Variants in N4BP2 observed in about 807,000 individuals in gnomAD.
N4BP2 encodes NEDD4-binding protein 2.
Under a neutral mutation model 152.8 loss-of-function variants are expected in N4BP2, and 91 were observed. The ratio of observed to expected loss-of-function variants is 0.60; its 90% CI spans 0.50 to 0.71. The LOEUF is 0.71. Ranked by LOEUF, N4BP2 falls within the 30% of genes least tolerant of loss-of-function variation. The pLI is 0.00. For synonymous variants in N4BP2, 646 were observed against 705.3 expected, an observed-to-expected ratio of 0.92 and a Z score of 1.33; for missense variants, 1,923 against 2,059.1, an observed-to-expected ratio of 0.93 and a Z score of 1.28.
chr4:40,085,712 G>A (rs1048069248), intron 2 of N4BP2, among the ~76,000 whole-genome samples: 10 of 152,150 alleles, frequency 6.6e-5, no homozygotes, highest in Non-Finnish European at 1.5e-4. Flanking sequence ...GTTGAGAGAT[G>A]TGAAAATCTC....
intron 4 of N4BP2, among the ~76,000 whole-genome samples, chr4:40,105,038 G>A (rs1196954184): frequency 6.6e-6 from 1 of 152,098 alleles, no homozygotes; most frequent in Non-Finnish European, 1.5e-5. Context: ...TCCTGACCTT[G>A]TGATCCGCCC....
chr4:40,154,747 T>C lies in N4BP2; in HGVS notation c.*510T>C, dbSNP rs1721457398. 6.5e-6 allele frequency: 1 copy of C among 153,394 alleles called. No homozygotes were observed. Among genetic ancestry groups the C allele is most frequent in the Non-Finnish European group, 1.4e-5 (1 of 69,026 alleles). 9.5% of individuals were successfully genotyped at this position (153,394 alleles called of 1,614,324 possible). On this transcript the variant is annotated 3_prime_UTR_variant, in exon 18 of 18. Transcript: ENST00000261435. ...TTCAAAACTAAACACATAAAATGCT[T>C]TTATTTTGCCATATCCTACAGGAAG...
chr4:40,099,456 G>T (rs1286899934), intron 3 of N4BP2, among the ~76,000 whole-genome samples: 2 of 151,754 alleles, frequency 1.3e-5, no homozygotes, highest in African/African-American at 4.8e-5. Context: ...CATCATGTTG[G>T]CCAGGCTGGT....
rs191288937 is a variant in N4BP2 at position 40,112,182 on chromosome 4, A to G, written c.1587+10A>G. The G allele has an allele frequency of 2.2e-4, 307 of 1,386,842 alleles. No homozygotes were observed. The African/African-American group carries it at 4.1e-3, about 18-fold the overall frequency. 85.9% of individuals were successfully genotyped at this position (1,386,842 alleles called of 1,614,324 possible). On this transcript the variant is annotated intron_variant, in intron 6 of 17. Coordinates refer to ENST00000261435, the MANE Select transcript of N4BP2 (RefSeq NM_018177.6). ...ACCATATGTTGCTTTGGTTAGTACCATAAGTTGTCATAAGTTTATAACAGT... is the reference window on the plus strand; with the variant it reads ...ACCATATGTTGCTTTGGTTAGTACCGTAAGTTGTCATAAGTTTATAACAGT...
At chr4:40,104,881 T>C (rs181191956) in intron 4 of N4BP2, among the ~76,000 whole-genome samples, 2 of 151,332 alleles carry the variant, frequency 1.3e-5, no homozygotes, top group Non-Finnish European at 2.9e-5. Flanking sequence ...CTCGGCTCAC[T>C]GCAAGCTCCG....
the N4BP2 span, among the ~76,000 whole-genome samples, chr4:40,178,079 G>A: frequency 6.6e-6 from 1 of 151,738 alleles, no homozygotes. Flanking sequence ...AGAATCGCTT[G>A]AACCCAGGAG....
intron 2 of N4BP2, among the ~76,000 whole-genome samples, chr4:40,095,849 TTC>T: frequency 6.6e-6 from 1 of 152,308 alleles, no homozygotes; most frequent in Admixed American, 6.5e-5. Flanking sequence ...CTTTAGTTTT[TTC>T]TCTGAGTGAT....
At position 40,131,863 on chromosome 4, in the gene N4BP2, T is replaced by C; in HGVS notation, c.4590T>C (p.Phe1530=). The change falls in exon 13 of 18, where the codon TTT becomes TTC. Residue 1530 remains phenylalanine (F), a synonymous_variant. Coordinates refer to ENST00000261435, the MANE Select transcript of N4BP2 (RefSeq NM_018177.6). Reference sequence around the variant, plus strand: ...CTAAACTAAAGGAGAAGCAGCTCTTTAAGATATTTCCAGCCATTAACCAAA... The same window carrying C: ...CTAAACTAAAGGAGAAGCAGCTCTTCAAGATATTTCCAGCCATTAACCAAA... ...CATKLKEKQL[F]KIFPAINQNF... 6.2e-7 allele frequency: 1 copy of C among 1,613,726 alleles called. No homozygotes were observed. Among genetic ancestry groups the C allele is most frequent in the Non-Finnish European group, 8.5e-7 (1 of 1,179,788 alleles).
chr4:40,091,602 CTT>C (rs35142277), intron 2 of N4BP2, among the ~76,000 whole-genome samples: 5 of 80,468 alleles, frequency 6.2e-5, no homozygotes, highest in South Asian at 4.2e-4. Flanking sequence ...GTATACAATC[CTT>C]TTTTTTTTTT....
intron 2 of N4BP2, among the ~76,000 whole-genome samples, chr4:40,089,435 CTTTTTTTTTTTT>C (rs1281842286): frequency 3.6e-5 from 4 of 111,142 alleles, no homozygotes; most frequent in African/African-American, 1.4e-4. Flanking sequence ...TCAGTTTTGC[CTTTTTTTTTTTT>C]TTTTTTTGAG....
intron 5 of N4BP2, among the ~76,000 whole-genome samples, chr4:40,107,408 G>A (rs1429093915): frequency 4.0e-5 from 6 of 151,124 alleles, no homozygotes; most frequent in Non-Finnish European, 7.4e-5. Context: ...TTTTCGAGAT[G>A]GAGTCTCACT....
At chr4:40,162,049 G>C (rs1179173942), downstream of N4BP2, among the ~76,000 whole-genome samples, 3 of 152,292 alleles carry the variant, frequency 2.0e-5, no homozygotes, top group Non-Finnish European at 4.4e-5. Flanking sequence ...AGAATGAGCC[G>C]TACCAGTGGA....
At chr4:40,166,923 G>A in the N4BP2 span, 1 of 152,144 alleles carries the variant, frequency 6.6e-6, no homozygotes, top group Admixed American at 6.5e-5. Context: ...AATGATTGTT[G>A]ACTGTAGTCA....
intron 12 of N4BP2, among the ~76,000 whole-genome samples, chr4:40,126,713 C>T (rs1718443005): frequency 6.6e-6 from 1 of 152,134 alleles, no homozygotes; most frequent in Admixed American, 6.6e-5. Context: ...TCAAGTGATC[C>T]TCCCACCTCA....
At chr4:40,061,840 T>A (rs1733679634) in intron 1 of N4BP2, among the ~76,000 whole-genome samples, 1 of 151,314 alleles carries the variant, frequency 6.6e-6, no homozygotes, top group Non-Finnish European at 1.5e-5. Flanking sequence ...AATTTTAGTA[T>A]GTTTAGTAGA....
the N4BP2 span, among the ~76,000 whole-genome samples, chr4:40,166,217 A>G: frequency 6.6e-6 from 1 of 152,140 alleles, no homozygotes; most frequent in Admixed American, 6.6e-5. Flanking sequence ...CCACAGTAAT[A>G]AGTTTTTTCC....
intron 17 of N4BP2, 93 bp downstream of exon 17, chr4:40,152,996 A>G (rs547589478): frequency 1.6e-6 from 2 of 1,284,348 alleles, no homozygotes; most frequent in South Asian, 1.3e-5. Context: ...TATTGATAAT[A>G]GCAATAGCCC....
chr4:40,166,131 TG>T, the N4BP2 span, among the ~76,000 whole-genome samples: 8 of 152,264 alleles, frequency 5.3e-5, no homozygotes, highest in Non-Finnish European at 8.8e-5. Context: ...GTGTAGCCAG[TG>T]GGAAGTGGTC....
chr4:40,123,241 C>T, intron 10 of N4BP2, 29 bp downstream of exon 10: 1 of 1,417,814 alleles, frequency 7.1e-7, no homozygotes, highest in Non-Finnish European at 9.9e-7. Flanking sequence ...ATAAAGAGCT[C>T]CTTTTTTGTC....
Sources: allele counts gnomAD v4.1 joint callset (sites outside exome capture counted in the v4.1 genomes callset), GRCh38; gene constraint gnomAD v4.1.1; transcripts MANE v1.5; gene names NCBI Gene and HGNC (gene_info 2026-07-23, HGNC 2026-07-21).